Variants in MELK observed in about 807,000 individuals in gnomAD.
MELK encodes pEg3 kinase.
A neutral mutation model predicts 85.0 loss-of-function variants in MELK; 81 were observed. The ratio of observed to expected loss-of-function variants is 0.95; its 90% CI spans 0.80 to 1.15. MELK has a LOEUF of 1.15. Ranked by LOEUF, MELK falls within the 50% of genes most tolerant of loss-of-function variation. The probability of loss-of-function intolerance (pLI) is 0.00; values close to 1 mark genes in which losing one functional copy is unlikely to be tolerated. For synonymous variants in MELK, 252 were observed against 265.0 expected (o/e 0.95, Z 0.48); for missense variants, 754 against 777.5 (o/e 0.97, Z 0.36).
At chr9:36,584,295 G>A (rs1240651061) in intron 3 of MELK, among the ~76,000 whole-genome samples, 2 of 145,672 alleles carry the variant, frequency 1.4e-5, no homozygotes, top group Non-Finnish European at 3.0e-5. Context: ...GTGAGCCACC[G>A]CGCCCGGCCT....
rs1416147604 is a variant in MELK, at chr9:36,589,644, G to A, written c.253G>A (p.Val85Ile). The A allele has an allele frequency of 6.2e-7, 1 of 1,603,286 alleles. No individual in the cohort carries two copies. Among genetic ancestry groups the A allele is most frequent in the Non-Finnish European group, 8.5e-7 (1 of 1,170,252 alleles). Reference sequence around the variant, plus strand: ...AGAGACAGCCAACAAAATATTCATGGTTCTTGAGGTTAGTAGTATGTTCCA... The same window carrying A: ...AGAGACAGCCAACAAAATATTCATGATTCTTGAGGTTAGTAGTATGTTCCA... ...VLETANKIFM[V>I]LEYCPGGELF... The change falls in exon 4 of 18, where the codon GTT (valine) becomes ATT (isoleucine). Residue 85 changes from valine (V) to isoleucine (I), a missense_variant. Coordinates refer to ENST00000298048, the MANE Select transcript of MELK (RefSeq NM_014791.4).
intron 8 of MELK, among the ~76,000 whole-genome samples, chr9:36,616,336 C>T (rs61454758): frequency 0.22 from 33,077 of 150,108 alleles, 5,853 homozygotes; most frequent in African/African-American, 0.5. Context: ...GGGAGTAACC[C>T]GAGTAGCTAG....
At chr9:36,663,080 CT>C (rs202077914) in intron 13 of MELK, among the ~76,000 whole-genome samples, 52 of 145,750 alleles carry the variant, frequency 3.6e-4, no homozygotes, top group Non-Finnish European at 2.6e-4. Context: ...TTCCTTGTTT[CT>C]TTTTTTTTTT....
At chr9:36,668,951 T>C (rs1170398909) in intron 14 of MELK, among the ~76,000 whole-genome samples, 1 of 152,176 alleles carries the variant, frequency 6.6e-6, no homozygotes, top group African/African-American at 2.4e-5. Flanking sequence ...ATTGGGCCCT[T>C]GTATAAATAC....
chr9:36,662,131 T>C (rs1831904209), intron 13 of MELK, among the ~76,000 whole-genome samples: 1 of 151,910 alleles, frequency 6.6e-6, no homozygotes, highest in African/African-American at 2.4e-5. Context: ...TTCTTGATTT[T>C]TTATGTTAAT....
At chr9:36,632,315 A>G (rs1828717113) in intron 9 of MELK, among the ~76,000 whole-genome samples, 2 of 152,178 alleles carry the variant, frequency 1.3e-5, no homozygotes, top group African/African-American at 2.4e-5. Context: ...CCAATTAATC[A>G]ATGTATCACC....
chr9:36,667,698 A>T (rs1449049945), intron 14 of MELK, among the ~76,000 whole-genome samples: 1 of 152,178 alleles, frequency 6.6e-6, no homozygotes, highest in Admixed American at 6.5e-5. Flanking sequence ...TGAAGCCATG[A>T]TTGTTAGCTT....
intron 5 of MELK, 149 bp downstream of exon 5, chr9:36,594,920 C>A: frequency 2.9e-6 from 2 of 695,224 alleles, no homozygotes; most frequent in Non-Finnish European, 4.2e-6. Flanking sequence ...CTTTTTTCCT[C>A]TTACTTTTTT....
intron 8 of MELK, among the ~76,000 whole-genome samples, chr9:36,615,639 G>A (rs1391408758): frequency 1.3e-4 from 17 of 135,530 alleles, no homozygotes; most frequent in African/African-American, 2.9e-4. Flanking sequence ...CTTCTCAGAC[G>A]GGGCGGCCGG....
rs202227041 is a variant in MELK at position 36,671,060 on chromosome 9, G to C, written c.1568G>C (p.Gly523Ala). 4.3e-5 allele frequency: 69 copies of C among 1,613,318 alleles called. No homozygotes were observed. Among genetic ancestry groups the C allele is most frequent in the Non-Finnish European group, 5.0e-5 (59 of 1,179,696 alleles). The part of the protein sequence containing the change: ...AHMEETPKRK[G>A]AKVFGSLERG... ...ATGGAGGAGACTCCAAAAAGAAAGGGAGCCAAAGTGTTTGGGAGCCTTGAA... is the reference window on the plus strand; with the variant it reads ...ATGGAGGAGACTCCAAAAAGAAAGGCAGCCAAAGTGTTTGGGAGCCTTGAA... Residue 523 changes from glycine to alanine, a missense_variant, in exon 16 of 18, where the codon GGA becomes GCA. Transcript: ENST00000298048.
At chr9:36,662,123 C>T (rs1831903457) in intron 13 of MELK, among the ~76,000 whole-genome samples, 1 of 150,582 alleles carries the variant, frequency 6.6e-6, no homozygotes. Flanking sequence ...CCCCTTATTT[C>T]TTGATTTTTT....
chr9:36,647,349 G>T (rs1213127468), intron 11 of MELK, among the ~76,000 whole-genome samples: 1 of 152,162 alleles, frequency 6.6e-6, no homozygotes, highest in Non-Finnish European at 1.5e-5. Context: ...CGTACATGGG[G>T]CTATCATAGA....
intron 10 of MELK, among the ~76,000 whole-genome samples, chr9:36,640,546 A>G (rs1452968184): frequency 6.6e-6 from 1 of 152,176 alleles, no homozygotes; most frequent in Non-Finnish European, 1.5e-5. Flanking sequence ...TCTTGGGCTC[A>G]AGTGATCCTC....
intron 7 of MELK, among the ~76,000 whole-genome samples, chr9:36,604,382 G>A (rs965113731): frequency 2.1e-5 from 3 of 146,042 alleles, no homozygotes; most frequent in South Asian, 2.2e-4. Context: ...GGGTTCAGGC[G>A]ATTCTCATTG....
chr9:36,604,259 G>A (rs1002692082), intron 7 of MELK, among the ~76,000 whole-genome samples: 1 of 125,158 alleles, frequency 8.0e-6, no homozygotes, highest in African/African-American at 3.1e-5. Flanking sequence ...GTAAGCCACC[G>A]CGCCCGGGCT....
At chr9:36,603,078 T>C (rs1294847502) in intron 7 of MELK, among the ~76,000 whole-genome samples, 1 of 152,192 alleles carries the variant, frequency 6.6e-6, no homozygotes, top group Non-Finnish European at 1.5e-5. Context: ...GTGATGAGAA[T>C]CTGCTGATTT....
chr9:36,572,929 C>A lies in MELK; in HGVS notation c.-117C>A, dbSNP rs139108274. ...CGATCGAAAAGATTCTTAGGAACGC[C>A]GTACCAGCCGCGTCTCTCAGGACAG... On this transcript the variant is annotated 5_prime_UTR_variant, in exon 1 of 18. Transcript: ENST00000298048. 6.6e-6 allele frequency: 1 copy of A among 152,108 alleles called. No individual in the cohort carries two copies. Among genetic ancestry groups the A allele is most frequent in the Non-Finnish European group, 1.5e-5 (1 of 68,030 alleles). The allele number at this position is 152,108 out of a possible 1,614,324, so 9.4% of individuals were successfully genotyped here.
At chr9:36,638,613 A>T (rs754040477) in intron 10 of MELK, among the ~76,000 whole-genome samples, 3 of 152,084 alleles carry the variant, frequency 2.0e-5, no homozygotes, top group Non-Finnish European at 4.4e-5. Flanking sequence ...AATAATTGCT[A>T]CTATTTACTG....
rs142530448 is a variant in MELK at position 36,575,116 on chromosome 9, G to C, written c.-39+2109G>C. 5.1e-3 allele frequency among the ~76,000 whole-genome samples: 773 copies of C among 152,328 alleles called. 6 individuals carry two copies. The highest frequency in any genetic ancestry group is 0.017 in the African/African-American group (709 of 41,576). On this transcript the variant is annotated intron_variant, in intron 1 of 17. Coordinates refer to ENST00000298048, the MANE Select transcript of MELK (RefSeq NM_014791.4). ...CCACTGCACTCCAGCCTGGGCAAGA[G>C]AGCAAGACTCCGTCTCAAAAACAAA...
Sources: allele counts gnomAD v4.1 joint callset (sites outside exome capture counted in the v4.1 genomes callset), GRCh38; gene constraint gnomAD v4.1.1; transcripts MANE v1.5; gene names NCBI Gene and HGNC (gene_info 2026-07-23, HGNC 2026-07-21).